PTPRM: variants seen among roughly 807,000 people sequenced by gnomAD.
PTPRM encodes receptor-type tyrosine-protein phosphatase mu.
Under a neutral mutation model 186.7 loss-of-function variants are expected in PTPRM, and 47 were observed. The ratio of observed to expected loss-of-function variants is 0.25; its 90% CI spans 0.20 to 0.32. PTPRM has a LOEUF of 0.32. Among genes scored for constraint, PTPRM ranks in the 10% least tolerant of loss-of-function variants. PTPRM has a pLI of 1.00. For synonymous variants in PTPRM, 668 were observed against 674.9 expected (o/e 0.99, Z 0.16); for missense variants, 1,494 against 1,865.0 (o/e 0.80, Z 3.66).
chr18:8,095,007 A>G (rs2090943398), intron 11 of PTPRM, among the ~76,000 whole-genome samples: 1 of 152,070 alleles, frequency 6.6e-6, no homozygotes, highest in Admixed American at 6.6e-5. Context: ...CAAGGATAAT[A>G]CCCCTTATAT....
chr18:8,234,985 G>T (rs1483782637), intron 14 of PTPRM, among the ~76,000 whole-genome samples: 1 of 152,054 alleles, frequency 6.6e-6, no homozygotes, highest in East Asian at 1.9e-4. Context: ...GATTCAATTT[G>T]CTATACTCTG....
At chr18:8,018,153 G>C (rs145747789) in intron 7 of PTPRM, 1 of 152,060 alleles carries the variant, frequency 6.6e-6, no homozygotes, top group African/African-American at 2.4e-5. Context: ...CTGAAGTAAC[G>C]GCATTTATGG....
At chr18:7,646,178 A>G (rs1186160571) in intron 1 of PTPRM, among the ~76,000 whole-genome samples, 1 of 152,146 alleles carries the variant, frequency 6.6e-6, no homozygotes, top group Non-Finnish European at 1.5e-5. Flanking sequence ...ACAAAAACCC[A>G]TTCTCCTCCC....
chr18:8,139,834 A>G (rs1483849968), intron 13 of PTPRM, among the ~76,000 whole-genome samples: 1 of 151,950 alleles, frequency 6.6e-6, no homozygotes, highest in African/African-American at 2.4e-5. Flanking sequence ...TAGCCTGGCC[A>G]GACACTGCCT....
chr18:7,678,965 G>A (rs1439978060), intron 1 of PTPRM, among the ~76,000 whole-genome samples: 2 of 152,180 alleles, frequency 1.3e-5, no homozygotes, highest in Non-Finnish European at 2.9e-5. Flanking sequence ...ATCACCAGAT[G>A]CTTTCCCCAA....
rs2038340810 is a variant in PTPRM, at chr18:7,637,307, C to CA, written c.73+69417dup. Among the ~76,000 whole-genome samples the CA allele has an allele frequency of 2.6e-5, 4 of 151,848 alleles. No homozygotes were observed. The South Asian group carries it at 8.3e-4, about 31-fold the overall frequency. ...ACATCACAATAAAATTTTGTTTGGT[C>CA]AGGCTTTTCTTATACTGTTTTATTT... On this transcript the variant is annotated intron_variant, in intron 1 of 32. Transcript: ENST00000580170.
chr18:8,057,173 T>C (rs1022048746), intron 7 of PTPRM, among the ~76,000 whole-genome samples: 2 of 151,314 alleles, frequency 1.3e-5, no homozygotes, highest in African/African-American at 2.4e-5. Flanking sequence ...AACCTTTGAA[T>C]AGGAAGTAGG....
At chr18:7,655,518 A>G (rs1458139022) in intron 1 of PTPRM, among the ~76,000 whole-genome samples, 2 of 152,244 alleles carry the variant, frequency 1.3e-5, no homozygotes, top group Non-Finnish European at 2.9e-5. Context: ...AGGTAATCAT[A>G]GTCTTAGATA....
At chr18:8,182,950 C>T (rs961693924) in intron 14 of PTPRM, among the ~76,000 whole-genome samples, 25 of 152,092 alleles carry the variant, frequency 1.6e-4, no homozygotes, top group Non-Finnish European at 3.4e-4. Flanking sequence ...GCTCTATGTG[C>T]GTTTCATAGC....
chr18:7,688,443 C>T lies in PTPRM; in HGVS notation c.74-85706C>T, dbSNP rs1047565176. 3.9e-5 allele frequency among the ~76,000 whole-genome samples: 6 copies of T among 152,204 alleles called. No homozygotes were observed. The East Asian group carries it at 5.8e-4, about 15-fold the overall frequency. On this transcript the variant is annotated intron_variant, in intron 1 of 32. Transcript: ENST00000580170. ...GGTCCTTCCAGAAAAGCTGCTCAGACATCTGAAGCTTTTGTCTATGAGTAT... is the reference window on the plus strand; with the variant it reads ...GGTCCTTCCAGAAAAGCTGCTCAGATATCTGAAGCTTTTGTCTATGAGTAT...
intron 1 of PTPRM, among the ~76,000 whole-genome samples, chr18:7,581,330 G>A (rs2036840103): frequency 6.6e-6 from 1 of 152,058 alleles, no homozygotes; most frequent in African/African-American, 2.4e-5. Context: ...CTTCCCTCAT[G>A]GTACAACTCA....
rs144586289 is a variant in PTPRM at position 8,065,407 on chromosome 18, A to G, written c.1133-4279A>G. Among the ~76,000 whole-genome samples, 551 of 152,262 alleles carry G rather than the reference A, an allele frequency of 3.6e-3. 6 individuals carry two copies. The highest frequency in any genetic ancestry group is 0.013 in the African/African-American group (521 of 41,544). On this transcript the variant is annotated intron_variant, in intron 7 of 32. Coordinates refer to ENST00000580170, the MANE Select transcript of PTPRM (RefSeq NM_001105244.2). ...GCTCAAGCTGGCAGAAAAAGAACAG[A>G]ATGAAAAATGCTGCAGGCATCAGTG...
chr18:7,705,465 C>T (rs553361065), intron 1 of PTPRM, among the ~76,000 whole-genome samples: 1 of 151,818 alleles, frequency 6.6e-6, no homozygotes, highest in East Asian at 1.9e-4. Flanking sequence ...TTAAAATATT[C>T]TTCATTGCCT....
chr18:8,280,211 T>C (rs1220936081), intron 19 of PTPRM, among the ~76,000 whole-genome samples: 1 of 152,146 alleles, frequency 6.6e-6, no homozygotes, highest in Non-Finnish European at 1.5e-5. Context: ...TGGTCAGTTC[T>C]GCACGCATGC....
chr18:8,132,287 C>A (rs939278130), intron 13 of PTPRM, among the ~76,000 whole-genome samples: 13 of 152,126 alleles, frequency 8.5e-5, no homozygotes, highest in Non-Finnish European at 1.5e-4. Flanking sequence ...TGAATAATTT[C>A]TTTAGATATT....
At chr18:7,945,594 T>A (rs1230833402) in intron 5 of PTPRM, among the ~76,000 whole-genome samples, 1 of 152,218 alleles carries the variant, frequency 6.6e-6, no homozygotes, top group African/African-American at 2.4e-5. Flanking sequence ...TAGTTTCAGA[T>A]ATTCTGTTAT....
intron 7 of PTPRM, among the ~76,000 whole-genome samples, chr18:8,029,704 C>T (rs1425806450): frequency 6.6e-6 from 1 of 152,152 alleles, no homozygotes; most frequent in African/African-American, 2.4e-5. Context: ...GTGAGCTCCT[C>T]GAGAGTAGAG....
chr18:8,135,019 G>A (rs1043982122), intron 13 of PTPRM, among the ~76,000 whole-genome samples: 25 of 151,934 alleles, frequency 1.6e-4, no homozygotes, highest in African/African-American at 6.0e-4. Flanking sequence ...TATACTTCAT[G>A]GTATAATATT....
chr18:8,253,247 A>C lies in PTPRM; in HGVS notation c.2587A>C (p.Ser863Arg). Residue 863 changes from serine (S) to arginine (R), a missense_variant, in exon 19 of 33, where the codon AGC becomes CGC. Ser to Arg is a moderately radical substitution (Grantham distance 110). Coordinates refer to ENST00000580170, the MANE Select transcript of PTPRM (RefSeq NM_001105244.2). ...CCTAGATGAAACCCACACAATGGCCAGCGATACCAGCAGCCTGGTGCAGTC... is the reference window on the plus strand; with the variant it reads ...CCTAGATGAAACCCACACAATGGCCCGCGATACCAGCAGCCTGGTGCAGTC... ...PINDETHTMA[S>R]DTSSLVQSHT... 6.5e-7 allele frequency: 1 copy of C among 1,531,226 alleles called. No individual in the cohort carries two copies. Among genetic ancestry groups the C allele is most frequent in the Non-Finnish European group, 8.8e-7 (1 of 1,136,716 alleles). 94.9% of individuals were successfully genotyped at this position (1,531,226 alleles called of 1,614,324 possible).
Sources: gnomAD v4.1 joint callset for allele counts (sites outside exome capture counted in the v4.1 genomes callset) on GRCh38, gnomAD v4.1.1 for gene constraint, MANE v1.5 for transcripts, NCBI Gene and HGNC (gene_info 2026-07-23, HGNC 2026-07-21) for gene names.